The following ARHGEF33 variants were observed in gnomAD, a reference collection of about 807,000 sequenced individuals.
The protein encoded by ARHGEF33 is Rho guanine nucleotide exchange factor 33.
ARHGEF33 carries 72 observed loss-of-function variants against 101.9 expected under a neutral mutation model. The ratio of observed to expected loss-of-function variants is 0.71; its 90% CI spans 0.58 to 0.86. The LOEUF (loss-of-function observed/expected upper bound fraction) is 0.86, where lower values mean the gene tolerates loss of function less well. ARHGEF33 is among the 40% of genes least tolerant of loss of function. The probability of loss-of-function intolerance (pLI) is 0.00; values close to 1 mark genes in which losing one functional copy is unlikely to be tolerated. For missense variants in ARHGEF33, 1,169 were observed against 1,111.3 expected (o/e 1.05, Z -0.74); for synonymous variants, 499 against 442.5 (o/e 1.13, Z -1.60).
At position 38,937,121 on chromosome 2, in the gene ARHGEF33, A is replaced by G. The variant is rs1572758882; in HGVS notation, c.566-214A>G. 4 of 456,268 alleles carry G rather than the reference A, an allele frequency of 8.8e-6. No homozygotes were observed. In the East Asian group the frequency reaches 1.3e-4, roughly 14 times the overall value. 28.3% of individuals were successfully genotyped at this position (456,268 alleles called of 1,614,324 possible). A position where few individuals can be genotyped will look rare whatever the true frequency, so the allele number is the denominator to read the frequency against. ...GCGATTCTCCTGCCTCAGCCTCCTG[A>G]GTAGCTGGGACTACAGGTGCCCGCC... On this transcript the variant is annotated intron_variant, in intron 8 of 17. Transcript: ENST00000409978.
chr2:38,901,249 A>G (rs961966551), intron 2 of ARHGEF33, among the ~76,000 whole-genome samples: 2 of 152,218 alleles, frequency 1.3e-5, no homozygotes, highest in Non-Finnish European at 2.9e-5. Flanking sequence ...AGAAATCCTG[A>G]TAAATCTAGT....
chr2:38,959,598 G>A lies in ARHGEF33; in HGVS notation c.1536-243G>A, dbSNP rs1248169071. The A allele has an allele frequency of 6.7e-6, 3 of 450,002 alleles. No homozygotes were observed. In the Admixed American group the frequency reaches 1.1e-4, roughly 17 times the overall value. 27.9% of individuals were successfully genotyped at this position (450,002 alleles called of 1,614,324 possible). A position where few individuals can be genotyped will look rare whatever the true frequency, so the allele number is the denominator to read the frequency against. On this transcript the variant is annotated intron_variant, in intron 15 of 17. Transcript: ENST00000409978. ...TCCACGCGGGGTGATGACAGTCCCT[G>A]GCCCGCAGGCCATTTCCCAGAAGCT...
chr2:38,923,099 T>C (rs553238745), intron 4 of ARHGEF33, among the ~76,000 whole-genome samples: 2 of 152,342 alleles, frequency 1.3e-5, no homozygotes, highest in African/African-American at 4.8e-5. Flanking sequence ...ACTCCCTGAA[T>C]GTTGGCTAAA....
chr2:38,939,007 C>T (rs974201134), intron 9 of ARHGEF33, among the ~76,000 whole-genome samples: 1 of 152,138 alleles, frequency 6.6e-6, no homozygotes, highest in Non-Finnish European at 1.5e-5. Flanking sequence ...GAGTCTTGCT[C>T]TTTCACTGAG....
chr2:38,959,828 T>C lies in ARHGEF33; in HGVS notation c.1536-13T>C. ...TAAGCACAGCTCTTTTGTACTCTGT[T>C]TTCCCCCTAAAGACATCTGATGCCC... On this transcript the variant is annotated splice_polypyrimidine_tract_variant and intron_variant, in intron 15 of 17. Transcript: ENST00000409978. 1 of 1,533,682 alleles carries C rather than the reference T, an allele frequency of 6.5e-7. No homozygotes were observed. Among genetic ancestry groups the C allele is most frequent in the Non-Finnish European group, 8.8e-7 (1 of 1,136,212 alleles).
At chr2:38,907,348 A>C (rs775859256) in intron 2 of ARHGEF33, among the ~76,000 whole-genome samples, 2 of 152,172 alleles carry the variant, frequency 1.3e-5, no homozygotes, top group Non-Finnish European at 1.5e-5. Context: ...CATTCTGAAG[A>C]TGGATTGTAC....
intron 17 of ARHGEF33, among the ~76,000 whole-genome samples, chr2:38,972,590 AG>A (rs1186007883): frequency 1.3e-5 from 2 of 152,234 alleles, no homozygotes; most frequent in South Asian, 2.1e-4. Context: ...TCCAGACATT[AG>A]GGTTTTTAGT....
At chr2:38,965,629 G>C (rs1258773452) in intron 16 of ARHGEF33, among the ~76,000 whole-genome samples, 1 of 152,306 alleles carries the variant, frequency 6.6e-6, no homozygotes, top group South Asian at 2.1e-4. Context: ...ACTGCTACTG[G>C]TTTTCTAGCA....
At chr2:38,909,213 T>C (rs545199366) in intron 2 of ARHGEF33, among the ~76,000 whole-genome samples, 1 of 152,206 alleles carries the variant, frequency 6.6e-6, no homozygotes, top group Non-Finnish European at 1.5e-5. Context: ...TGACAAAGGG[T>C]CACGTAAGGG....
intron 2 of ARHGEF33, among the ~76,000 whole-genome samples, chr2:38,898,865 T>C (rs1289498243): frequency 6.6e-6 from 1 of 152,224 alleles, no homozygotes; most frequent in Non-Finnish European, 1.5e-5. Context: ...TAATGTATCT[T>C]ATAAAACATT....
At chr2:38,908,132 T>C (rs1422850300) in intron 2 of ARHGEF33, among the ~76,000 whole-genome samples, 1 of 152,194 alleles carries the variant, frequency 6.6e-6, no homozygotes, top group Non-Finnish European at 1.5e-5. Flanking sequence ...CTCAAAGTGC[T>C]GAAAGTTATA....
In ARHGEF33 at chr2:38,960,383, A is replaced by G; in HGVS notation, c.2078A>G (p.Glu693Gly). Residue 693 changes from glutamate to glycine, a missense_variant, in exon 16 of 18, where the codon GAG (glutamate) becomes GGG (glycine). Glu to Gly is a moderately conservative substitution (Grantham distance 98). Coordinates refer to ENST00000409978, the MANE Select transcript of ARHGEF33 (RefSeq NM_001145451.5). ...GGCAGCAGCAGCGCCTACAAACTGG[A>G]GGCGGCGGCGCAGGCGCACGGCAAG... Reference protein sequence around the residue: ...PAGSSSAYKLEAAAQAHGKAK... With the variant: ...PAGSSSAYKLGAAAQAHGKAK... 1 of 1,513,082 alleles carries G rather than the reference A, an allele frequency of 6.6e-7. No homozygotes were observed. The highest frequency in any genetic ancestry group is 2.5e-5 in the East Asian group (1 of 40,144). 93.7% of individuals were successfully genotyped at this position (1,513,082 alleles called of 1,614,324 possible).
chr2:38,902,134 G>GAAAAAAAAAAAAAAAAAAAA (rs1156887244), intron 2 of ARHGEF33, among the ~76,000 whole-genome samples: 1 of 58,474 alleles, frequency 1.7e-5, no homozygotes. Flanking sequence ...TCCATCTCAA[G>GAAAAAAAAAAAAAAAAAAAA]AAAAAAAAAA....
At position 38,931,130 on chromosome 2, in the gene ARHGEF33, C is replaced by A; in HGVS notation, c.384C>A (p.His128Gln). The A allele has an allele frequency of 6.5e-7, 1 of 1,549,332 alleles. No homozygotes were observed. The highest frequency in any genetic ancestry group is 1.7e-4 in the Middle Eastern group (1 of 5,972). The change falls in exon 7 of 18, where the codon CAC becomes CAA. Residue 128 changes from histidine to glutamine, a missense_variant. Physicochemically the swap from His to Gln is conservative, Grantham distance 24 (BLOSUM62 0). Transcript: ENST00000409978. ...VKAKKTQKEE[H>Q]SSQAGPAQAQ... is the part of the protein sequence containing the mutation. ...CTAGGAAAACTCAAAAAGAAGAGCA[C>A]AGCTCACAGGCCGGGCCTGCCCAAG...
chr2:38,931,112 A>G lies in ARHGEF33; in HGVS notation c.366A>G (p.Lys122=). ...RRESRKVKAK[K]TQKEEHSSQA... ...TGTCTTTGTTTCTCTTTCCTAGGAA[A>G]ACTCAAAAAGAAGAGCACAGCTCAC... The change falls in exon 7 of 18, where the codon AAA becomes AAG. Residue 122 remains lysine (K), a synonymous_variant. Coordinates refer to ENST00000409978, the MANE Select transcript of ARHGEF33 (RefSeq NM_001145451.5). 6.5e-7 allele frequency: 1 copy of G among 1,542,426 alleles called. No individual in the cohort carries two copies. Among genetic ancestry groups the G allele is most frequent in the South Asian group, 1.2e-5 (1 of 82,042 alleles).
At chr2:38,967,598 C>T (rs975979736) in intron 17 of ARHGEF33, among the ~76,000 whole-genome samples, 4 of 152,168 alleles carry the variant, frequency 2.6e-5, no homozygotes, top group East Asian at 1.9e-4. Flanking sequence ...TTTCTTGAGA[C>T]GGAGTCTGGC....
chr2:38,958,250 C>A (rs1272575366), intron 15 of ARHGEF33, 52 bp downstream of exon 15: 3 of 1,543,452 alleles, frequency 1.9e-6, no homozygotes, highest in Non-Finnish European at 1.8e-6. Flanking sequence ...TGGGACCCAG[C>A]CAGTCTGTGC....
intron 1 of ARHGEF33, among the ~76,000 whole-genome samples, chr2:38,890,794 AATG>A (rs1477487811): frequency 6.6e-6 from 1 of 152,174 alleles, no homozygotes; most frequent in African/African-American, 2.4e-5. Context: ...GATTCAACAT[AATG>A]ATCAGAAATG....
At chr2:38,909,061 G>A (rs1040005993) in intron 2 of ARHGEF33, among the ~76,000 whole-genome samples, 1 of 152,120 alleles carries the variant, frequency 6.6e-6, no homozygotes, top group Non-Finnish European at 1.5e-5. Flanking sequence ...GACAGAAAGA[G>A]GAATGAAACT....
Sources: allele counts gnomAD v4.1 joint callset (sites outside exome capture counted in the v4.1 genomes callset), GRCh38; gene constraint gnomAD v4.1.1; transcripts MANE v1.5; gene names NCBI Gene and HGNC (gene_info 2026-07-23, HGNC 2026-07-21).